Variants in TCF12 observed in about 807,000 individuals in gnomAD.
TCF12 encodes DNA-binding protein HTF4.
Under a neutral mutation model 86.0 loss-of-function variants are expected in TCF12, and 45 were observed. The ratio of observed to expected loss-of-function variants is 0.52; its 90% CI spans 0.41 to 0.67. The LOEUF is 0.67. TCF12 is among the 30% of genes least tolerant of loss of function. The probability of loss-of-function intolerance (pLI) is 0.00; values close to 1 mark genes in which losing one functional copy is unlikely to be tolerated. For synonymous variants in TCF12, 330 were observed against 299.6 expected (o/e 1.10, Z -1.05); for missense variants, 881 against 859.9 (o/e 1.02, Z -0.31).
intron 4 of TCF12, among the ~76,000 whole-genome samples, chr15:57,081,009 G>A (rs1386268542): frequency 3.9e-5 from 6 of 152,146 alleles, no homozygotes; most frequent in Non-Finnish European, 8.8e-5. Flanking sequence ...TCACTTAGCA[G>A]CGGAGGTTTT....
At chr15:57,043,813 T>C (rs969579332) in intron 3 of TCF12, among the ~76,000 whole-genome samples, 2 of 152,198 alleles carry the variant, frequency 1.3e-5, no homozygotes, top group African/African-American at 2.4e-5. Flanking sequence ...TTTTAACTTA[T>C]AAACTTCAGA....
chr15:57,147,972 C>A (rs1308515050), intron 5 of TCF12, among the ~76,000 whole-genome samples: 1 of 151,050 alleles, frequency 6.6e-6, no homozygotes, highest in Non-Finnish European at 1.5e-5. Context: ...CCTCCAAATC[C>A]TGGACTCAAC....
intron 3 of TCF12, among the ~76,000 whole-genome samples, chr15:57,048,067 T>C (rs369011115): frequency 2.5e-4 from 38 of 152,340 alleles, no homozygotes; most frequent in African/African-American, 8.9e-4. Context: ...ATAGTTGTTA[T>C]GTGGTGCATG....
chr15:57,021,245 C>T (rs2065460852), intron 3 of TCF12, among the ~76,000 whole-genome samples: 2 of 152,188 alleles, frequency 1.3e-5, no homozygotes, highest in Non-Finnish European at 2.9e-5. Context: ...AGAACTGGGG[C>T]AGAACGTTGA....
intron 8 of TCF12, among the ~76,000 whole-genome samples, chr15:57,222,434 T>G (rs539504613): frequency 6.6e-6 from 1 of 152,088 alleles, no homozygotes; most frequent in African/African-American, 2.4e-5. Flanking sequence ...GTTAATGCAG[T>G]TTTTCCTACT....
At chr15:57,251,126 T>C (rs1669017407) in intron 13 of TCF12, 1 of 432,422 alleles carries the variant, frequency 2.3e-6, no homozygotes, top group Admixed American at 3.9e-5. Flanking sequence ...TATTTAAAAT[T>C]ACAGGGTTTT....
intron 5 of TCF12, among the ~76,000 whole-genome samples, chr15:57,103,584 T>C (rs1208304809): frequency 6.6e-6 from 1 of 152,198 alleles, no homozygotes; most frequent in Non-Finnish European, 1.5e-5. Context: ...GTATGTTAGC[T>C]CTACCACAAT....
At chr15:57,267,846 T>A (rs1274000909) in intron 18 of TCF12, among the ~76,000 whole-genome samples, 2 of 152,180 alleles carry the variant, frequency 1.3e-5, no homozygotes, top group African/African-American at 2.4e-5. Flanking sequence ...CGAGTGACTT[T>A]GGGCAAGTCT....
chr15:57,242,846 A>C (rs563790702), intron 12 of TCF12, among the ~76,000 whole-genome samples: 2 of 152,320 alleles, frequency 1.3e-5, no homozygotes, highest in African/African-American at 4.8e-5. Flanking sequence ...GAAGTCCACA[A>C]ATCATCTTGG....
chr15:56,956,240 A>C (rs1668148339), intron 3 of TCF12, among the ~76,000 whole-genome samples: 2 of 151,238 alleles, frequency 1.3e-5, no homozygotes, highest in Non-Finnish European at 2.9e-5. Context: ...GTTTGAATCC[A>C]TTATCTTGCC....
At chr15:57,121,932 T>A (rs1357646608) in intron 5 of TCF12, among the ~76,000 whole-genome samples, 1 of 152,204 alleles carries the variant, frequency 6.6e-6, no homozygotes, top group Non-Finnish European at 1.5e-5. Flanking sequence ...CCTTGCCATA[T>A]TTTTATGATG....
chr15:57,039,375 A>G (rs1427385528), intron 3 of TCF12, among the ~76,000 whole-genome samples: 1 of 152,150 alleles, frequency 6.6e-6, no homozygotes, highest in Admixed American at 6.6e-5. Flanking sequence ...TTTCAACCTC[A>G]GTCTTCGCAT....
chr15:57,017,936 A>G (rs1218944193), intron 3 of TCF12, among the ~76,000 whole-genome samples: 4 of 152,136 alleles, frequency 2.6e-5, no homozygotes, highest in Admixed American at 6.5e-5. Flanking sequence ...ACACCAGATT[A>G]TTTTGGTAAA....
intron 3 of TCF12, among the ~76,000 whole-genome samples, chr15:57,017,298 A>G (rs1240356313): frequency 6.6e-6 from 1 of 152,242 alleles, no homozygotes; most frequent in Non-Finnish European, 1.5e-5. Context: ...AATGCCATTT[A>G]AATGTATATG....
chr15:57,070,301 A>G (rs1488726694), intron 4 of TCF12, among the ~76,000 whole-genome samples: 3 of 152,142 alleles, frequency 2.0e-5, no homozygotes, highest in Non-Finnish European at 2.9e-5. Context: ...GATTCAGTTC[A>G]TTTAAAAAGC....
intron 5 of TCF12, among the ~76,000 whole-genome samples, chr15:57,125,845 CTG>C (rs1358249754): frequency 1.3e-4 from 20 of 152,058 alleles, no homozygotes; most frequent in African/African-American, 4.6e-4. Flanking sequence ...AAAACTAAAA[CTG>C]TAGAAAGATA....
At chr15:57,007,711 T>C (rs1307236734) in intron 3 of TCF12, among the ~76,000 whole-genome samples, 7 of 152,148 alleles carry the variant, frequency 4.6e-5, no homozygotes, top group African/African-American at 1.7e-4. Context: ...GATTGAGAAA[T>C]ACCTTCTGAA....
intron 5 of TCF12, among the ~76,000 whole-genome samples, chr15:57,141,779 A>C: frequency 6.6e-6 from 1 of 152,232 alleles, no homozygotes; most frequent in East Asian, 1.9e-4. Context: ...CAAGTGTCAG[A>C]AATCAGTCAG....
chr15:57,148,809 G>A (rs2053550672), intron 5 of TCF12, among the ~76,000 whole-genome samples: 1 of 152,076 alleles, frequency 6.6e-6, no homozygotes, highest in Admixed American at 6.6e-5. Context: ...CCTGGAGGTA[G>A]AGGTTGCAGT....
Sources: gnomAD v4.1 joint callset for allele counts (sites outside exome capture counted in the v4.1 genomes callset) on GRCh38, gnomAD v4.1.1 for gene constraint, MANE v1.5 for transcripts, NCBI Gene and HGNC (gene_info 2026-07-23, HGNC 2026-07-21) for gene names.